Variants in EYS observed in about 807,000 individuals in gnomAD.
The protein encoded by EYS is EGF-like photoreceptor maintenance factor, also known as protein eyes shut homolog.
In EYS, 250 loss-of-function variants were observed where a neutral mutation model predicts 282.1. The observed-to-expected ratio is 0.89, with a 90% CI of 0.80 to 0.98. The LOEUF (loss-of-function observed/expected upper bound fraction) is 0.98, where lower values mean the gene tolerates loss of function less well. Among genes scored for constraint, EYS ranks in the 50% least tolerant of loss-of-function variants. The pLI is 0.00. For missense variants in EYS, 4,016 were observed against 3,709.0 expected (o/e 1.08, Z -2.15); for synonymous variants, 1,355 against 1,282.9 (o/e 1.06, Z -1.20).
intron 39 of EYS, among the ~76,000 whole-genome samples, chr6:63,782,724 G>A (rs1770263958): frequency 6.6e-6 from 1 of 151,982 alleles, no homozygotes; most frequent in Admixed American, 6.6e-5. Flanking sequence ...TTGATTTTTT[G>A]AAGGGGTTTT....
In EYS at chr6:63,886,917, C is replaced by A. The variant is rs988671069; in HGVS notation, c.7056-22559G>T. On this transcript the variant is annotated intron_variant, in intron 35 of 42. Coordinates refer to ENST00000503581, the MANE Select transcript of EYS (RefSeq NM_001142800.2). ...TTAAATCTGAGTATAGAAAATGAGG[C>A]AACTTTAATATTTGACACAAAAGGT... 1.5e-4 allele frequency among the ~76,000 whole-genome samples: 23 copies of A among 152,232 alleles called. 1 individual carries two copies. The highest frequency in any genetic ancestry group is 3.9e-4 in the Admixed American group (6 of 15,294).
chr6:64,374,244 G>C (rs1160492151), intron 29 of EYS, among the ~76,000 whole-genome samples: 8 of 150,318 alleles, frequency 5.3e-5, no homozygotes, highest in Non-Finnish European at 8.9e-5. Context: ...TAGGGCCTGG[G>C]GGTTGGAGCA....
intron 14 of EYS, among the ~76,000 whole-genome samples, chr6:64,959,948 A>G (rs1387589439): frequency 6.7e-6 from 1 of 149,836 alleles, no homozygotes; most frequent in Non-Finnish European, 1.5e-5. Flanking sequence ...CACTTACCAC[A>G]GTGCATGGGC....
intron 29 of EYS, among the ~76,000 whole-genome samples, chr6:64,375,262 G>T (rs1772525751): frequency 1.3e-5 from 2 of 152,084 alleles, no homozygotes; most frequent in African/African-American, 4.8e-5. Context: ...AATGACTTTT[G>T]GTATGCAGCC....
intron 41 of EYS, among the ~76,000 whole-genome samples, chr6:63,758,841 C>A (rs1440164030): frequency 6.6e-6 from 1 of 152,002 alleles, no homozygotes. Flanking sequence ...CTTATTGCCC[C>A]AAACTGGCTG....
intron 15 of EYS, among the ~76,000 whole-genome samples, chr6:64,925,222 C>T (rs544082031): frequency 2.6e-4 from 39 of 152,296 alleles, no homozygotes; most frequent in African/African-American, 8.9e-4. Context: ...GTAAACCCGT[C>T]AGATCTCATG....
intron 31 of EYS, among the ~76,000 whole-genome samples, chr6:64,158,465 C>CCAA (rs1462517632): frequency 6.6e-6 from 1 of 152,112 alleles, no homozygotes; most frequent in Non-Finnish European, 1.5e-5. Flanking sequence ...TAACTAAATA[C>CCAA]CTGCAGTGGT....
At position 63,721,550 on chromosome 6, in the gene EYS, A is replaced by C. The variant is rs1475319970; in HGVS notation, c.8481T>G (p.Ser2827=). The C allele has an allele frequency of 3.9e-6, 6 of 1,551,832 alleles. No homozygotes were observed. The highest frequency in any genetic ancestry group is 5.2e-6 in the Non-Finnish European group (6 of 1,146,894). Residue 2827 remains serine (S), a synonymous_variant, in exon 43 of 43, where the codon TCT becomes TCG. Coordinates refer to ENST00000503581, the MANE Select transcript of EYS (RefSeq NM_001142800.2). ...TNTDFYIGGV[S]SLNLVNPMAI... ...CCATGGGATTTACAAGATTTAAAGAAGATACTCCTCCAATATAGAAGTCTG... is the reference window on the plus strand; with the variant it reads ...CCATGGGATTTACAAGATTTAAAGACGATACTCCTCCAATATAGAAGTCTG...
chr6:65,513,967 AG>A (rs572386048), intron 2 of EYS, among the ~76,000 whole-genome samples: 1,528 of 152,282 alleles, frequency 0.01, 15 homozygotes, highest in Non-Finnish European at 0.016. Context: ...AAGGAAATCA[AG>A]GGTATTCAAT....
intron 33 of EYS, among the ~76,000 whole-genome samples, chr6:64,020,395 C>T (rs1258623823): frequency 6.6e-6 from 1 of 152,000 alleles, no homozygotes; most frequent in Non-Finnish European, 1.5e-5. Flanking sequence ...ATGTTTTCAT[C>T]CAAATTACAT....
chr6:65,556,863 G>C (rs913192450), intron 2 of EYS, among the ~76,000 whole-genome samples: 3 of 152,040 alleles, frequency 2.0e-5, no homozygotes, highest in African/African-American at 7.2e-5. Context: ...ACCTTAAAGT[G>C]TTTTAAAATT....
At chr6:63,730,504 C>T (rs1768755542) in intron 41 of EYS, among the ~76,000 whole-genome samples, 1 of 152,150 alleles carries the variant, frequency 6.6e-6, no homozygotes, top group Non-Finnish European at 1.5e-5. Flanking sequence ...ACTGCATAAC[C>T]CCAAGGGGAA....
chr6:65,219,585 A>G (rs1766407753), intron 12 of EYS, among the ~76,000 whole-genome samples: 2 of 152,158 alleles, frequency 1.3e-5, no homozygotes, highest in Non-Finnish European at 2.9e-5. Flanking sequence ...TTCATTTGTG[A>G]AGCACTAGAC....
At chr6:65,028,449 T>A (rs1334665338) in intron 13 of EYS, among the ~76,000 whole-genome samples, 1 of 152,022 alleles carries the variant, frequency 6.6e-6, no homozygotes, top group African/African-American at 2.4e-5. Flanking sequence ...ATTTCTTACA[T>A]CATCATAGTA....
chr6:64,248,397 AAGG>A (rs1767089777), intron 30 of EYS, among the ~76,000 whole-genome samples: 1 of 152,154 alleles, frequency 6.6e-6, no homozygotes, highest in South Asian at 2.1e-4. Flanking sequence ...GAGGCAGTTG[AAGG>A]AGGAGGAGAA....
In EYS at chr6:65,173,421, G is replaced by A. The variant is rs117196433; in HGVS notation, c.2024-115694C>T. 5.2e-3 allele frequency among the ~76,000 whole-genome samples: 759 copies of A among 145,728 alleles called. 28 individuals are homozygous for A. The highest frequency in any genetic ancestry group is 0.04 in the Admixed American group (589 of 14,774). On this transcript the variant is annotated intron_variant, in intron 12 of 42. Coordinates refer to ENST00000503581, the MANE Select transcript of EYS (RefSeq NM_001142800.2). ...AAAATATAAATCAAAATAGAACGGGGGACTCACCAAGTATTACAAAAAATA... is the reference window on the plus strand; with the variant it reads ...AAAATATAAATCAAAATAGAACGGGAGACTCACCAAGTATTACAAAAAATA...
At chr6:65,571,150 C>G (rs1223980752) in intron 2 of EYS, among the ~76,000 whole-genome samples, 1 of 151,846 alleles carries the variant, frequency 6.6e-6, no homozygotes, top group African/African-American at 2.4e-5. Context: ...GACAGATTAA[C>G]AAGAGAAAAA....
At chr6:63,877,840 C>G (rs1773018450) in intron 35 of EYS, among the ~76,000 whole-genome samples, 1 of 152,192 alleles carries the variant, frequency 6.6e-6, no homozygotes, top group Admixed American at 6.5e-5. Context: ...AAGGTCTTCT[C>G]TACACTGTTT....
At chr6:64,078,191 A>G (rs1171466904) in intron 32 of EYS, among the ~76,000 whole-genome samples, 1 of 152,040 alleles carries the variant, frequency 6.6e-6, no homozygotes, top group African/African-American at 2.4e-5. Context: ...AATGTTCAAA[A>G]AATGTTTGTG....
Sources: allele counts gnomAD v4.1 joint callset (sites outside exome capture counted in the v4.1 genomes callset), GRCh38; gene constraint gnomAD v4.1.1; transcripts MANE v1.5; gene names NCBI Gene and HGNC (gene_info 2026-07-23, HGNC 2026-07-21).